The following OR5P3 variants were observed in gnomAD, a reference collection of about 807,000 sequenced individuals.
OR5P3 encodes the protein olfactory receptor family 5 subfamily P member 3.
For missense variants in OR5P3, 415 were observed against 375.6 expected, an observed-to-expected ratio of 1.10 and a Z score of -0.87; for synonymous variants, 172 against 141.8, an observed-to-expected ratio of 1.21 and a Z score of -1.51.
Position 7,825,229 on chromosome 11 carries a change from G to T in OR5P3, c.744C>A (p.Val248=). The T allele has an allele frequency of 6.2e-7, 1 of 1,612,976 alleles. No homozygotes were observed. The highest frequency in any genetic ancestry group is 1.1e-5 in the South Asian group (1 of 91,076). Residue 248 remains valine (V), a synonymous_variant, in exon 2 of 2, where the codon GTC becomes GTA. Coordinates refer to ENST00000641167, the MANE Select transcript of OR5P3 (RefSeq NM_153445.2). ...FSTCTSHLTA[V]TLFYGTITFI... ...AGGTAATGGTCCCATAGAACAGAGT[G>T]ACTGCAGTGAGGTGGGAGGTGCAGG...
Position 7,825,269 on chromosome 11 carries a change from T to C in OR5P3, c.704A>G (p.His235Arg). The C allele has an allele frequency of 6.2e-7, 1 of 1,613,134 alleles. No homozygotes were observed. Among genetic ancestry groups the C allele is most frequent in the Non-Finnish European group, 8.5e-7 (1 of 1,180,026 alleles). The change falls in exon 2 of 2, where the codon CAC becomes CGC. Residue 235 changes from histidine (H) to arginine (R), a missense_variant. Physicochemically the swap from His to Arg is conservative, Grantham distance 29. Transcript: ENST00000641167. ...GGAGGTGCAGGTGGAGAAGGCCTTG[T>C]GGCGGCCCTTGGTGGAGTGCATCTT... ...ILKMHSTKGR[H>R]KAFSTCTSHL...
rs1414077872 is a variant in OR5P3, at chr11:7,825,223, C to A, written c.750G>T (p.Leu250=). Residue 250 remains leucine (L), a synonymous_variant, in exon 2 of 2, where the codon CTG becomes CTT. Transcript: ENST00000641167. ...AAATGAAGGTAATGGTCCCATAGAA[C>A]AGAGTGACTGCAGTGAGGTGGGAGG... ...TCTSHLTAVT[L]FYGTITFIYV... The A allele has an allele frequency of 6.2e-7, 1 of 1,612,784 alleles. No individual in the cohort carries two copies.
chr11:7,825,184 C>T lies in OR5P3; in HGVS notation c.789G>A (p.Lys263=), dbSNP rs770983435. ...GTITFIYVMP[K]SSYSTDQNKV... ...TGTTCTGGTCAGTTGAGTAGCTGGACTTGGGCATCACATAAATGAAGGTAA... is the reference window on the plus strand; with the variant it reads ...TGTTCTGGTCAGTTGAGTAGCTGGATTTGGGCATCACATAAATGAAGGTAA... The change falls in exon 2 of 2, where the codon AAG becomes AAA. Residue 263 remains lysine, a synonymous_variant. Transcript: ENST00000641167. 5 of 1,609,488 alleles carry T rather than the reference C, an allele frequency of 3.1e-6. No individual in the cohort carries two copies. The highest frequency in any genetic ancestry group is 4.2e-6 in the Non-Finnish European group (5 of 1,180,016).
At position 7,825,845 on chromosome 11, in the gene OR5P3, A is replaced by G; in HGVS notation, c.128T>C (p.Ile43Thr). 6.2e-7 allele frequency: 1 copy of G among 1,612,476 alleles called. No homozygotes were observed. The highest frequency in any genetic ancestry group is 1.4e-5 in the African/African-American group (1 of 73,956). The change falls in exon 2 of 2, where the codon ATC becomes ACC. Residue 43 changes from isoleucine (I) to threonine (T), a missense_variant. Physicochemically the swap from Ile to Thr is moderately conservative, Grantham distance 89. Coordinates refer to ENST00000641167, the MANE Select transcript of OR5P3 (RefSeq NM_153445.2). ...TCTTCTGATCAATACAATTATGCTG[A>G]TATTACCCATTAAGGTGACAACATA... ...GIYVVTLMGN[I>T]SIIVLIRRSH...
At chr11:7,827,632 A>G (rs1857759405) in intron 1 of OR5P3, among the ~76,000 whole-genome samples, 1 of 152,186 alleles carries the variant, frequency 6.6e-6, no homozygotes, top group African/African-American at 2.4e-5. Flanking sequence ...TTCTGCAAGG[A>G]TTGAAAATTT....
rs1346104396 is a variant in OR5P3, at chr11:7,825,942, C to T, written c.31G>A (p.Glu11Lys). 6.3e-7 allele frequency: 1 copy of T among 1,580,014 alleles called. No individual in the cohort carries two copies. Among genetic ancestry groups the T allele is most frequent in the South Asian group, 1.1e-5 (1 of 88,502 alleles). Residue 11 changes from glutamate (E) to lysine (K), a missense_variant, in exon 2 of 2, where the codon GAG becomes AAG. Physicochemically the swap from Glu to Lys is moderately conservative, Grantham distance 56. Coordinates refer to ENST00000641167, the MANE Select transcript of OR5P3 (RefSeq NM_153445.2). Reference protein sequence around the residue: MGTGNDTTVVEFTLLGLSEDT... With the variant: MGTGNDTTVVKFTLLGLSEDT... ...TCAGATAACCCCAAAAGAGTAAACTCTACCACAGTGGTGTCATTTCCAGTC... is the reference window on the plus strand; with the variant it reads ...TCAGATAACCCCAAAAGAGTAAACTTTACCACAGTGGTGTCATTTCCAGTC...
At chr11:7,826,601 A>C (rs530548528) in intron 1 of OR5P3, among the ~76,000 whole-genome samples, 43 of 152,350 alleles carry the variant, frequency 2.8e-4, no homozygotes, top group African/African-American at 8.9e-4. Context: ...GGACCGAGGC[A>C]GAAGGTGAAG....
Position 7,824,990 on chromosome 11 carries a change from A to G in OR5P3, c.*47T>C. On this transcript the variant is annotated 3_prime_UTR_variant, in exon 2 of 2. Transcript: ENST00000641167. ...AAACACTCGGTGTCTTATTATTATTATATATAGAATATTAATATATCAGAT... is the reference window on the plus strand; with the variant it reads ...AAACACTCGGTGTCTTATTATTATTGTATATAGAATATTAATATATCAGAT... 1 of 1,359,792 alleles carries G rather than the reference A, an allele frequency of 7.4e-7. No individual in the cohort carries two copies. Among genetic ancestry groups the G allele is most frequent in the Non-Finnish European group, 1.0e-6 (1 of 1,002,810 alleles). The allele number at this position is 1,359,792 out of a possible 1,614,324, so 84.2% of individuals were successfully genotyped here.
rs1412949512 is a variant in OR5P3 at position 7,825,109 on chromosome 11, CA to C, written c.863del (p.Leu288ArgfsTer14). 3.7e-6 allele frequency: 6 copies of C among 1,613,448 alleles called. No individual in the cohort carries two copies. The highest frequency in any genetic ancestry group is 5.1e-6 in the Non-Finnish European group (6 of 1,180,018). Reference sequence around the variant, plus strand: ...TCTCCTTGTTCCTGAGGCTGTAGATCAGGGGGTTCAACATGGGAATCACCAC... The same window carrying C: ...TCTCCTTGTTCCTGAGGCTGTAGATCGGGGGTTCAACATGGGAATCACCAC... Reference protein sequence around the residue: ...YTVVIPMLNPLIYSLRNKEIK... With the variant: ...YTVVIPMLNPXIYSLRNKEIK... On this transcript the variant is annotated frameshift_variant, in exon 2 of 2. Transcript: ENST00000641167. LOFTEE classifies it low-confidence loss of function (END_TRUNC).
At chr11:7,828,125 C>T (rs11041592) in intron 1 of OR5P3, among the ~76,000 whole-genome samples, 7,176 of 152,006 alleles carry the variant, frequency 0.047, 264 homozygotes, top group East Asian at 0.096. Flanking sequence ...TCACCAGGTT[C>T]GGGGTAAAAG....
In OR5P3 at chr11:7,825,446, T is replaced by A; in HGVS notation, c.527A>T (p.His176Leu). Residue 176 changes from histidine (H) to leucine (L), a missense_variant, in exon 2 of 2, where the codon CAC (histidine) becomes CTC (leucine). By Grantham distance (99) the His-to-Leu change is moderately conservative. Transcript: ENST00000641167. ...AAGTGGTGAATAGTCACAGAAAAAG[T>A]GATTGACTTTATTTGGCCCACAGAA... ...LSFCGPNKVN[H>L]FFCDYSPLLK... The A allele has an allele frequency of 6.2e-7, 1 of 1,613,138 alleles. No homozygotes were observed. Among genetic ancestry groups the A allele is most frequent in the Non-Finnish European group, 8.5e-7 (1 of 1,180,014 alleles).
At position 7,825,791 on chromosome 11, in the gene OR5P3, A is replaced by G; in HGVS notation, c.182T>C (p.Ile61Thr). ...RSHHLHTPMY[I>T]FLCHLAFVDI... Reference sequence around the variant, plus strand: ...TACAAAGGCCAAATGGCAGAGGAAAATGTACATGGGTGTATGAAGATGATG... The same window carrying G: ...TACAAAGGCCAAATGGCAGAGGAAAGTGTACATGGGTGTATGAAGATGATG... The change falls in exon 2 of 2, where the codon ATT (isoleucine) becomes ACT (threonine). Residue 61 changes from isoleucine to threonine, a missense_variant. Coordinates refer to ENST00000641167, the MANE Select transcript of OR5P3 (RefSeq NM_153445.2). 1 of 1,613,272 alleles carries G rather than the reference A, an allele frequency of 6.2e-7. No homozygotes were observed. Among genetic ancestry groups the G allele is most frequent in the Non-Finnish European group, 8.5e-7 (1 of 1,180,016 alleles).
intron 1 of OR5P3, among the ~76,000 whole-genome samples, chr11:7,826,490 T>C (rs986798122): frequency 6.6e-6 from 1 of 152,158 alleles, no homozygotes; most frequent in African/African-American, 2.4e-5. Flanking sequence ...TGCATGCTAA[T>C]CCACAGGACC....
rs1857711001 is a variant in OR5P3, at chr11:7,824,854, G to T, written c.*183C>A. On this transcript the variant is annotated 3_prime_UTR_variant, in exon 2 of 2. Coordinates refer to ENST00000641167, the MANE Select transcript of OR5P3 (RefSeq NM_153445.2). ...TAAATTTAATTAAATTTTATTAAAG[G>T]TAAAGCAAGATGGACTTCTAATTTC... The T allele has an allele frequency of 1.8e-5, 7 of 382,992 alleles. No individual in the cohort carries two copies. The highest frequency in any genetic ancestry group is 3.2e-5 in the Non-Finnish European group (7 of 219,636). The allele number at this position is 382,992 out of a possible 1,614,324, so 23.7% of individuals were successfully genotyped here.
chr11:7,825,825 T>C lies in OR5P3; in HGVS notation c.148A>G (p.Arg50Gly). The change falls in exon 2 of 2, where the codon AGA becomes GGA. Residue 50 changes from arginine to glycine, a missense_variant. Physicochemically the swap from Arg to Gly is moderately radical, Grantham distance 125. Transcript: ENST00000641167. Reference sequence around the variant, plus strand: ...GGTGTATGAAGATGATGACTTCTTCTGATCAATACAATTATGCTGATATTA... The same window carrying C: ...GGTGTATGAAGATGATGACTTCTTCCGATCAATACAATTATGCTGATATTA... ...MGNISIIVLI[R>G]RSHHLHTPMY... 6.2e-7 allele frequency: 1 copy of C among 1,613,150 alleles called. No individual in the cohort carries two copies. Among genetic ancestry groups the C allele is most frequent in the Non-Finnish European group, 8.5e-7 (1 of 1,179,970 alleles).
Position 7,825,280 on chromosome 11 carries a change from G to A in OR5P3, c.693C>T (p.Thr231=), listed in dbSNP as rs776145855. The change falls in exon 2 of 2, where the codon ACC becomes ACT. Residue 231 remains threonine, a synonymous_variant. Transcript: ENST00000641167. The stretch of plus-strand genomic sequence containing the variant: ...TGGAGAAGGCCTTGTGGCGGCCCTT[G>A]GTGGAGTGCATCTTCAGGATGGTGA... ...ILITILKMHS[T]KGRHKAFSTC... 2 of 1,613,038 alleles carry A rather than the reference G, an allele frequency of 1.2e-6. No homozygotes were observed. The highest frequency in any genetic ancestry group is 1.7e-6 in the Non-Finnish European group (2 of 1,180,026).
In OR5P3 at chr11:7,825,604, A is replaced by G. The variant is rs1390970534; in HGVS notation, c.369T>C (p.Tyr123=). 1 of 1,613,134 alleles carries G rather than the reference A, an allele frequency of 6.2e-7. No individual in the cohort carries two copies. Among genetic ancestry groups the G allele is most frequent in the East Asian group, 2.2e-5 (1 of 44,884 alleles). The change falls in exon 2 of 2, where the codon TAT becomes TAC. Residue 123 remains tyrosine, a synonymous_variant. Transcript: ENST00000641167. The part of the protein sequence containing the change: ...FLLAAMAYDR[Y]VAICSPLLYS... ...AGAGCAGGGGTGAGCAGATGGCCACATAGCGATCATAGGCCATGGCAGCCA... is the reference window on the plus strand; with the variant it reads ...AGAGCAGGGGTGAGCAGATGGCCACGTAGCGATCATAGGCCATGGCAGCCA...
chr11:7,825,663 C>A lies in OR5P3; in HGVS notation c.310G>T (p.Val104Leu). 1.9e-6 allele frequency: 3 copies of A among 1,613,070 alleles called. No homozygotes were observed. Among genetic ancestry groups the A allele is most frequent in the Non-Finnish European group, 2.5e-6 (3 of 1,180,018 alleles). The change falls in exon 2 of 2, where the codon GTA (valine) becomes TTA (leucine). Residue 104 changes from valine (V) to leucine (L), a missense_variant. Transcript: ENST00000641167. ...CACTCGGCCGTACCAAACGTCACTA[C>A]AGAACAGAGCTGGGCCACACAACCA... ...VAGCVAQLCS[V>L]VTFGTAECFL...
intron 1 of OR5P3, among the ~76,000 whole-genome samples, chr11:7,826,205 T>A (rs945150115): frequency 6.6e-6 from 1 of 152,178 alleles, no homozygotes; most frequent in Non-Finnish European, 1.5e-5. Flanking sequence ...AATCTTTTTT[T>A]TTTTTTAACT....
Sources: allele counts gnomAD v4.1 joint callset (sites outside exome capture counted in the v4.1 genomes callset), GRCh38; gene constraint gnomAD v4.1.1; transcripts MANE v1.5; gene names NCBI Gene and HGNC (gene_info 2026-07-23, HGNC 2026-07-21).